MEF2C: variants seen among roughly 807,000 people sequenced by gnomAD.
MEF2C encodes myocyte enhancer factor 2C.
Under a neutral mutation model 50.5 loss-of-function variants are expected in MEF2C, and 6 were observed. The ratio of observed to expected loss-of-function variants is 0.12; its 90% confidence interval spans 0.07 to 0.23. The LOEUF (loss-of-function observed/expected upper bound fraction) is 0.23, where lower values mean the gene tolerates loss of function less well. Among genes scored for constraint, MEF2C ranks in the 10% least tolerant of loss-of-function variants. The pLI is 1.00. For synonymous variants in MEF2C, 183 were observed against 228.0 expected, an observed-to-expected ratio of 0.80 and a Z score of 1.78; for missense variants, 276 against 605.0, an observed-to-expected ratio of 0.46 and a Z score of 5.70.
At chr5:88,902,588 A>G (rs905173913) in intron 1 of MEF2C, among the ~76,000 whole-genome samples, 4 of 151,166 alleles carry the variant, frequency 2.6e-5, no homozygotes, top group African/African-American at 9.7e-5. Flanking sequence ...TGGCATATCC[A>G]TGTCGTCACT....
chr5:88,869,252 CAT>C (rs369495366), intron 1 of MEF2C, among the ~76,000 whole-genome samples: 14,820 of 89,986 alleles, frequency 0.16, 1,497 homozygotes, highest in African/African-American at 0.25. Context: ...AACTAGTTTT[CAT>C]ATATATATAT....
At chr5:88,730,457 G>A (rs1760961031) in intron 7 of MEF2C, among the ~76,000 whole-genome samples, 1 of 152,114 alleles carries the variant, frequency 6.6e-6, no homozygotes, top group Non-Finnish European at 1.5e-5. Context: ...TTCAGCCCAG[G>A]TCAGTGTCTC....
At chr5:88,737,947 G>C in intron 6 of MEF2C, 1 of 985,336 alleles carries the variant, frequency 1.0e-6, no homozygotes, top group Non-Finnish European at 1.2e-6. Context: ...AATGATGGCA[G>C]TGGAAAGGAG....
At chr5:88,815,583 T>G (rs1804932737) in intron 2 of MEF2C, among the ~76,000 whole-genome samples, 1 of 152,108 alleles carries the variant, frequency 6.6e-6, no homozygotes, top group South Asian at 2.1e-4. Context: ...AATTTTTAAT[T>G]TTTTTCCTTA....
Position 88,843,303 on chromosome 5 carries a change from G to A in MEF2C, c.-142-19373C>T, listed in dbSNP as rs901042271. 7.2e-6 allele frequency: 7 copies of A among 978,696 alleles called. No homozygotes were observed. In the African/African-American group the frequency reaches 1.2e-4, roughly 17 times the overall value. 60.6% of individuals were successfully genotyped at this position (978,696 alleles called of 1,614,324 possible). On this transcript the variant is annotated intron_variant, in intron 1 of 10. Transcript: ENST00000504921. ...TTATCCATGTGAGATGGATAGACAT[G>A]TTACATCACGTAAAATATTGTTTGT...
intron 1 of MEF2C, among the ~76,000 whole-genome samples, chr5:88,875,308 CTAA>C (rs1204666607): frequency 6.6e-6 from 1 of 151,880 alleles, no homozygotes; most frequent in Non-Finnish European, 1.5e-5. Flanking sequence ...CTATTTTGAC[CTAA>C]TAATCATTTA....
chr5:88,737,422 G>C, intron 6 of MEF2C: 1 of 985,296 alleles, frequency 1.0e-6, no homozygotes, highest in Non-Finnish European at 1.2e-6. Context: ...AACTGCAAGT[G>C]GTAGAATTAA....
intron 1 of MEF2C, among the ~76,000 whole-genome samples, chr5:88,895,415 A>G (rs951846996): frequency 1.3e-5 from 2 of 152,202 alleles, no homozygotes; most frequent in African/African-American, 2.4e-5. Flanking sequence ...AAGTAATGAC[A>G]TACCCATTTG....
At chr5:88,804,907 C>T in intron 2 of MEF2C, 106 bp from the exon 3 acceptor site, 2 of 815,146 alleles carry the variant, frequency 2.5e-6, no homozygotes, top group Non-Finnish European at 3.9e-6. Flanking sequence ...GTGTAGTTGT[C>T]AGAGCCCTGG....
chr5:88,903,453 A>T (rs183888181), intron 1 of MEF2C, among the ~76,000 whole-genome samples: 1 of 151,958 alleles, frequency 6.6e-6, no homozygotes, highest in East Asian at 1.9e-4. Context: ...CTCTCTAATC[A>T]TGTTCTTGTA....
chr5:88,833,568 C>T (rs1044713800), intron 1 of MEF2C, among the ~76,000 whole-genome samples: 27 of 152,196 alleles, frequency 1.8e-4, no homozygotes, highest in Non-Finnish European at 3.7e-4. Context: ...TCTACGTACT[C>T]GACTCCAACA....
Position 88,728,551 on chromosome 5 carries a change from T to C in MEF2C, c.1042A>G (p.Thr348Ala). 6.5e-7 allele frequency: 1 copy of C among 1,536,620 alleles called. No individual in the cohort carries two copies. The highest frequency in any genetic ancestry group is 1.2e-5 in the South Asian group (1 of 81,122). The change falls in exon 10 of 11, where the codon ACT (threonine) becomes GCT (alanine). Residue 348 changes from threonine to alanine, a missense_variant. Physicochemically the swap from Thr to Ala is moderately conservative, Grantham distance 58 (BLOSUM62 0). Coordinates refer to ENST00000504921, the MANE Select transcript of MEF2C (RefSeq NM_002397.5). ...TASALHLGSV[T>A]GWQQQHLHNM... ...TGTAGGTGTTGCTGTTGCCAGCCAGTTACTGAACCAAGGTGAAGAGCGCTG... is the reference window on the plus strand; with the variant it reads ...TGTAGGTGTTGCTGTTGCCAGCCAGCTACTGAACCAAGGTGAAGAGCGCTG...
intron 1 of MEF2C, among the ~76,000 whole-genome samples, chr5:88,835,412 C>T (rs1814681715): frequency 6.6e-6 from 1 of 151,982 alleles, no homozygotes. Flanking sequence ...TGGACATCCC[C>T]ACCTATAGAT....
chr5:88,824,849 C>T (rs982996016), intron 1 of MEF2C: 3 of 151,668 alleles, frequency 2.0e-5, no homozygotes, highest in Non-Finnish European at 4.4e-5. Context: ...TGAGATAAGC[C>T]CAAGAAACCC....
At chr5:88,810,391 GA>G in intron 2 of MEF2C, among the ~76,000 whole-genome samples, 1 of 152,156 alleles carries the variant, frequency 6.6e-6, no homozygotes, top group South Asian at 2.1e-4. Flanking sequence ...AAAATTCAGA[GA>G]AAAGTTTTTT....
chr5:88,852,170 GGTTA>G (rs1821603179), intron 1 of MEF2C, among the ~76,000 whole-genome samples: 2 of 152,038 alleles, frequency 1.3e-5, no homozygotes, highest in Non-Finnish European at 2.9e-5. Flanking sequence ...GTTCAACATT[GGTTA>G]GTAACAGAAA....
intron 3 of MEF2C, among the ~76,000 whole-genome samples, chr5:88,787,417 G>A (rs1426560878): frequency 1.3e-5 from 2 of 151,570 alleles, no homozygotes; most frequent in Non-Finnish European, 3.0e-5. Context: ...TGACAGCCCC[G>A]TAAGGAGCTC....
chr5:88,859,594 C>G (rs1157223488), intron 1 of MEF2C, among the ~76,000 whole-genome samples: 1 of 152,214 alleles, frequency 6.6e-6, no homozygotes, highest in Admixed American at 6.5e-5. Flanking sequence ...TATTTTAGTT[C>G]ATACCTGACA....
intron 1 of MEF2C, chr5:88,839,577 T>A (rs1219062809): frequency 6.6e-6 from 1 of 152,162 alleles, no homozygotes; most frequent in Non-Finnish European, 1.5e-5. Flanking sequence ...GGATAATTTT[T>A]ATGTCCGTGT....
Sources: gnomAD v4.1 joint callset for allele counts (sites outside exome capture counted in the v4.1 genomes callset) on GRCh38, gnomAD v4.1.1 for gene constraint, MANE v1.5 for transcripts, NCBI Gene and HGNC (gene_info 2026-07-23, HGNC 2026-07-21) for gene names.